Variants in MDGA2 observed in about 807,000 individuals in gnomAD.
MDGA2 encodes MAM domain-containing glycosylphosphatidylinositol anchor protein 2.
A neutral mutation model predicts 117.8 loss-of-function variants in MDGA2; 40 were observed. The observed-to-expected ratio is 0.34, with a 90% CI of 0.26 to 0.44. The LOEUF (loss-of-function observed/expected upper bound fraction) is 0.44. MDGA2 is among the 20% of genes least tolerant of loss of function. The pLI, the probability that MDGA2 is intolerant of heterozygous loss-of-function variation, is 1.00. For synonymous variants in MDGA2, 452 were observed against 439.0 expected (o/e 1.03, Z -0.37); for missense variants, 1,123 against 1,250.6 (o/e 0.90, Z 1.54).
chr14:47,043,443 TC>T (rs1889148129), intron 7 of MDGA2, among the ~76,000 whole-genome samples: 2 of 152,078 alleles, frequency 1.3e-5, no homozygotes, highest in African/African-American at 4.8e-5. Flanking sequence ...ATGCAGAACT[TC>T]CCTGAGCCAT....
intron 2 of MDGA2, among the ~76,000 whole-genome samples, chr14:47,271,269 T>C (rs1439990236): frequency 1.3e-5 from 2 of 152,172 alleles, no homozygotes; most frequent in Non-Finnish European, 2.9e-5. Flanking sequence ...TTAAGCACAA[T>C]TAATTGAAAA....
At chr14:47,465,490 A>T (rs543378700) in intron 1 of MDGA2, among the ~76,000 whole-genome samples, 1 of 152,176 alleles carries the variant, frequency 6.6e-6, no homozygotes, top group Non-Finnish European at 1.5e-5. Context: ...AAGAAAAAAA[A>T]CAAACAACCC....
At chr14:47,020,909 T>A (rs1888262717) in intron 8 of MDGA2, among the ~76,000 whole-genome samples, 2 of 151,994 alleles carry the variant, frequency 1.3e-5, no homozygotes, top group African/African-American at 4.8e-5. Context: ...AGAAGCTTTT[T>A]AAAAAAGACA....
chr14:47,408,703 A>T (rs1323968741), intron 1 of MDGA2, among the ~76,000 whole-genome samples: 1 of 152,202 alleles, frequency 6.6e-6, no homozygotes, highest in African/African-American at 2.4e-5. Flanking sequence ...TAGAAACCTA[A>T]TTCTAAATGC....
intron 15 of MDGA2, among the ~76,000 whole-genome samples, chr14:46,848,558 C>G (rs949783455): frequency 2.0e-5 from 3 of 151,820 alleles, no homozygotes; most frequent in Non-Finnish European, 2.9e-5. Flanking sequence ...AAACAATCCT[C>G]CTTTTTATAT....
chr14:46,994,328 T>A (rs1594506318), intron 8 of MDGA2, among the ~76,000 whole-genome samples: 1 of 152,268 alleles, frequency 6.6e-6, no homozygotes, highest in East Asian at 1.9e-4. Context: ...GTACAGTTGC[T>A]TTCAATGAAT....
intron 11 of MDGA2, among the ~76,000 whole-genome samples, chr14:46,879,380 T>A (rs1414918637): frequency 6.6e-6 from 1 of 152,122 alleles, no homozygotes; most frequent in African/African-American, 2.4e-5. Flanking sequence ...CACTATGGTA[T>A]TTTGTTATGG....
chr14:47,115,948 A>T (rs72678497), intron 5 of MDGA2, among the ~76,000 whole-genome samples: 12,229 of 152,032 alleles, frequency 0.08, 971 homozygotes, highest in East Asian at 0.47. Flanking sequence ...TTCGGCAAGA[A>T]AAAAGAATAG....
chr14:47,001,425 C>G (rs1887525959), intron 8 of MDGA2, among the ~76,000 whole-genome samples: 1 of 151,650 alleles, frequency 6.6e-6, no homozygotes, highest in Non-Finnish European at 1.5e-5. Context: ...AATTCGAGGA[C>G]CAAAACAACC....
chr14:46,901,197 G>A (rs995043187), intron 10 of MDGA2, among the ~76,000 whole-genome samples: 2 of 124,450 alleles, frequency 1.6e-5, no homozygotes, highest in African/African-American at 5.9e-5. Context: ...GTGGGGGGAG[G>A]GGGGAGGGAT....
chr14:47,630,065 G>A (rs1277076069), intron 1 of MDGA2, among the ~76,000 whole-genome samples: 2 of 151,180 alleles, frequency 1.3e-5, no homozygotes, highest in Non-Finnish European at 2.9e-5. Flanking sequence ...TTAGATATAA[G>A]GCAGTACTTC....
intron 11 of MDGA2, among the ~76,000 whole-genome samples, chr14:46,878,349 G>A (rs1160423054): frequency 6.6e-6 from 1 of 151,978 alleles, no homozygotes; most frequent in African/African-American, 2.4e-5. Flanking sequence ...CAGCATTGAT[G>A]TAATTCCCCA....
At chr14:47,485,486 T>A (rs1894041056) in intron 1 of MDGA2, among the ~76,000 whole-genome samples, 3 of 151,996 alleles carry the variant, frequency 2.0e-5, no homozygotes, top group African/African-American at 7.3e-5. Context: ...GGAAAGAAAA[T>A]CCCATTTTCT....
chr14:46,962,973 T>C (rs1391364101), intron 8 of MDGA2, among the ~76,000 whole-genome samples: 1 of 152,148 alleles, frequency 6.6e-6, no homozygotes, highest in Non-Finnish European at 1.5e-5. Flanking sequence ...ACAAGAGTGG[T>C]CAAAAGTACC....
At chr14:47,441,433 C>G (rs916516720) in intron 1 of MDGA2, among the ~76,000 whole-genome samples, 5 of 152,056 alleles carry the variant, frequency 3.3e-5, no homozygotes, top group African/African-American at 1.2e-4. Flanking sequence ...TGTGCAAAAG[C>G]GCAAATTTTT....
intron 3 of MDGA2, among the ~76,000 whole-genome samples, chr14:47,202,649 G>C (rs1885550591): frequency 1.3e-5 from 2 of 152,324 alleles, no homozygotes; most frequent in South Asian, 2.1e-4. Context: ...TCCTATAAGG[G>C]AGGAATTGTT....
chr14:47,421,010 T>C lies in MDGA2; in HGVS notation c.281-119460A>G, dbSNP rs1306196234. On this transcript the variant is annotated intron_variant, in intron 1 of 16. Coordinates refer to ENST00000399232, the MANE Select transcript of MDGA2 (RefSeq NM_001113498.3). Reference sequence around the variant, plus strand: ...AACCTGAGAAATATAGTACAGCAAATAGACTTCAGAGCTGAGAATACGATA... The same window carrying C: ...AACCTGAGAAATATAGTACAGCAAACAGACTTCAGAGCTGAGAATACGATA... Among the ~76,000 whole-genome samples, 5 of 151,984 alleles carry C rather than the reference T, an allele frequency of 3.3e-5. No individual in the cohort carries two copies. The East Asian group carries it at 7.7e-4, about 24-fold the overall frequency.
At chr14:46,960,442 G>GGTTT (rs1885750564) in intron 8 of MDGA2, 1 of 120,066 alleles carries the variant, frequency 8.3e-6, no homozygotes, top group Non-Finnish European at 1.6e-5. Flanking sequence ...TTTAGTTTGT[G>GGTTT]GGCTGGGAAA....
intron 1 of MDGA2, among the ~76,000 whole-genome samples, chr14:47,547,128 C>G (rs995801769): frequency 2.6e-5 from 4 of 152,132 alleles, no homozygotes; most frequent in Non-Finnish European, 5.9e-5. Context: ...TAAAACAGCT[C>G]TACTTTAGTC....
Sources: allele counts gnomAD v4.1 joint callset (sites outside exome capture counted in the v4.1 genomes callset), GRCh38; gene constraint gnomAD v4.1.1; transcripts MANE v1.5; gene names NCBI Gene and HGNC (gene_info 2026-07-23, HGNC 2026-07-21).